The following ZNF100 variants were observed in gnomAD, a reference collection of about 807,000 sequenced individuals.
ZNF100 encodes the protein zinc finger protein 100 (Y1).
ZNF100 carries 12 observed loss-of-function variants against 15.8 expected under a neutral mutation model. That is an observed-to-expected ratio of 0.76 (90% CI 0.49 to 1.23). ZNF100 has a LOEUF of 1.23. Among genes scored for constraint, ZNF100 ranks in the 50% most tolerant of loss-of-function variants. ZNF100 has a pLI of 0.00. For missense variants in ZNF100, 670 were observed against 635.6 expected (o/e 1.05, Z -0.58); for synonymous variants, 226 against 214.8 (o/e 1.05, Z -0.45).
At position 21,767,571 on chromosome 19, in the gene ZNF100, G is replaced by T; in HGVS notation, c.-142C>A. ...ACCTGGAGCTCCGGCTACAGCGAGA[G>T]ACAAAGACCCCGCCAAACCCGGAAG... On this transcript the variant is annotated 5_prime_UTR_variant, in exon 1 of 5. Transcript: ENST00000358296. 2 of 1,347,490 alleles carry T rather than the reference G, an allele frequency of 1.5e-6. No homozygotes were observed. The highest frequency in any genetic ancestry group is 1.0e-6 in the Non-Finnish European group (1 of 980,824). The allele number at this position is 1,347,490 out of a possible 1,614,324, so 83.5% of individuals were successfully genotyped here.
At chr19:21,767,125 C>G (rs2036576908) in intron 1 of ZNF100, among the ~76,000 whole-genome samples, 1 of 152,204 alleles carries the variant, frequency 6.6e-6, no homozygotes, top group Non-Finnish European at 1.5e-5. Context: ...AGGATTTTCC[C>G]CTGACGACCC....
At chr19:21,752,720 G>A (rs1465865294) in intron 2 of ZNF100, 1 of 152,184 alleles carries the variant, frequency 6.6e-6, no homozygotes, top group Non-Finnish European at 1.5e-5. Context: ...TTCAGTGACA[G>A]TGAAAAAAAA....
chr19:21,730,459 T>A (rs2035895560), intron 4 of ZNF100, among the ~76,000 whole-genome samples: 2 of 151,554 alleles, frequency 1.3e-5, no homozygotes, highest in East Asian at 1.9e-4. Flanking sequence ...TGTGTGTGTG[T>A]GTGTGTGTGT....
At chr19:21,743,678 C>A (rs1433426021) in intron 4 of ZNF100, among the ~76,000 whole-genome samples, 2 of 151,934 alleles carry the variant, frequency 1.3e-5, no homozygotes, top group Non-Finnish European at 2.9e-5. Flanking sequence ...CAAAATTATG[C>A]AGATATCTGT....
intron 2 of ZNF100, among the ~76,000 whole-genome samples, chr19:21,759,664 C>G (rs2036448615): frequency 6.6e-6 from 1 of 152,102 alleles, no homozygotes; most frequent in Admixed American, 6.5e-5. Context: ...CCACCAAAAC[C>G]AAGATGGTGA....
chr19:21,751,169 A>G, intron 2 of ZNF100: 2 of 1,330,164 alleles, frequency 1.5e-6, no homozygotes, highest in Non-Finnish European at 2.2e-6. Flanking sequence ...AACCACTTAA[A>G]TCATCTATCT....
chr19:21,726,571 GAATT>G lies in ZNF100; in HGVS notation c.*108_*111del. 1.0e-6 allele frequency: 1 copy of G among 969,640 alleles called. No individual in the cohort carries two copies. The highest frequency in any genetic ancestry group is 1.5e-6 in the Non-Finnish European group (1 of 662,664). 60.1% of individuals were successfully genotyped at this position (969,640 alleles called of 1,614,324 possible). On this transcript the variant is annotated 3_prime_UTR_variant, in exon 5 of 5. Transcript: ENST00000358296. ...TTATCTTATGTCTGTTAGGAATTGA[GAATT>G]TATTAAAGGCTTTGCCATATTCTTC...
rs1021010429 is a variant in ZNF100, at chr19:21,722,996, T to C, written c.*3687A>G. 2 of 151,942 alleles carry C rather than the reference T, an allele frequency of 1.3e-5. No homozygotes were observed. Among genetic ancestry groups the C allele is most frequent in the African/African-American group, 4.8e-5 (2 of 41,402 alleles). The allele number at this position is 151,942 out of a possible 1,614,324, so 9.4% of individuals were successfully genotyped here. On this transcript the variant is annotated 3_prime_UTR_variant, in exon 5 of 5. Coordinates refer to ENST00000358296, the MANE Select transcript of ZNF100 (RefSeq NM_173531.4). ...CAATGTATGCTTTTATCTTAACTAA[T>C]CCGAAAGTTATATTGATAACCAAAC... is the stretch of plus-strand genomic sequence containing the variant.
chr19:21,759,763 C>T (rs2036450183), intron 2 of ZNF100, among the ~76,000 whole-genome samples: 2 of 152,198 alleles, frequency 1.3e-5, no homozygotes, highest in Non-Finnish European at 2.9e-5. Context: ...GGAAGTTACA[C>T]CATAATGGTC....
chr19:21,759,356 G>A (rs2036442881), intron 2 of ZNF100, among the ~76,000 whole-genome samples: 1 of 151,062 alleles, frequency 6.6e-6, no homozygotes, highest in Non-Finnish European at 1.5e-5. Flanking sequence ...GTAAATAGCT[G>A]TGATTAATAA....
intron 4 of ZNF100, among the ~76,000 whole-genome samples, chr19:21,739,931 G>A (rs561325039): frequency 6.6e-6 from 1 of 152,266 alleles, no homozygotes; most frequent in Admixed American, 6.5e-5. Context: ...CTACAGAGGT[G>A]AACAAATTCA....
At chr19:21,744,237 TGA>T (rs1243386700) in intron 3 of ZNF100, 122 bp from the exon 4 acceptor site, 10 of 901,608 alleles carry the variant, frequency 1.1e-5, no homozygotes, top group South Asian at 3.6e-5. Context: ...TACTAATTAA[TGA>T]GAGAAATTTC....
chr19:21,744,575 T>C (rs541175058), intron 3 of ZNF100, among the ~76,000 whole-genome samples: 96 of 152,160 alleles, frequency 6.3e-4, no homozygotes, highest in African/African-American at 2.1e-3. Context: ...TTTCACTTTG[T>C]TGGCAAGGCT....
chr19:21,755,232 A>T (rs1018132833), intron 2 of ZNF100, among the ~76,000 whole-genome samples: 2 of 151,960 alleles, frequency 1.3e-5, no homozygotes, highest in Non-Finnish European at 2.9e-5. Context: ...GCTTGAACCC[A>T]GGAGGCAGAG....
In ZNF100 at chr19:21,725,481, TAG is replaced by T. The variant is rs1432271827; in HGVS notation, c.*1200_*1201del. 1.3e-5 allele frequency: 2 copies of T among 152,262 alleles called. No individual in the cohort carries two copies. Among genetic ancestry groups the T allele is most frequent in the Admixed American group, 6.5e-5 (1 of 15,302 alleles). The allele number at this position is 152,262 out of a possible 1,614,324, so 9.4% of individuals were successfully genotyped here. A position where few individuals can be genotyped will look rare whatever the true frequency, so the allele number is the denominator to read the frequency against. Reference sequence around the variant, plus strand: ...AGTTAACCATAAAAGTCTCTTCACTTAGATTTTCATCATACATCTCATATTTT... The same window carrying T: ...AGTTAACCATAAAAGTCTCTTCACTTATTTTCATCATACATCTCATATTTT... On this transcript the variant is annotated 3_prime_UTR_variant, in exon 5 of 5. Transcript: ENST00000358296.
At chr19:21,753,561 C>G (rs139919859) in intron 2 of ZNF100, 2 of 152,054 alleles carry the variant, frequency 1.3e-5, no homozygotes. Flanking sequence ...CCAGTCTGGG[C>G]GACATCCAGA....
chr19:21,734,576 C>T (rs1037564373), intron 4 of ZNF100, among the ~76,000 whole-genome samples: 2 of 152,092 alleles, frequency 1.3e-5, no homozygotes, highest in African/African-American at 4.8e-5. Context: ...ACCAAACTTA[C>T]AACTGATTGC....
At chr19:21,739,258 A>G (rs929278081) in intron 4 of ZNF100, among the ~76,000 whole-genome samples, 1 of 152,358 alleles carries the variant, frequency 6.6e-6, no homozygotes, top group South Asian at 2.1e-4. Context: ...GTTAGAACAC[A>G]TAACAAGTCT....
chr19:21,726,885 T>G lies in ZNF100; in HGVS notation c.1427A>C (p.Lys476Thr). Residue 476 changes from lysine (K) to threonine (T), a missense_variant, in exon 5 of 5, where the codon AAG becomes ACG. Physicochemically the swap from Lys to Thr is moderately conservative, Grantham distance 78. Transcript: ENST00000358296. ...FNRSSQLTAH[K>T]MIHTGEKPYK... The stretch of plus-strand genomic sequence containing the variant: ...GGGTTTCTCTCCAGTATGAATCATC[T>G]TATGTGCAGTTAGTTGTGAGGACCG... The G allele has an allele frequency of 6.2e-7, 1 of 1,613,124 alleles. No individual in the cohort carries two copies. Among genetic ancestry groups the G allele is most frequent in the South Asian group, 1.1e-5 (1 of 90,816 alleles).
Sources: allele counts gnomAD v4.1 joint callset (sites outside exome capture counted in the v4.1 genomes callset), GRCh38; gene constraint gnomAD v4.1.1; transcripts MANE v1.5; gene names NCBI Gene and HGNC (gene_info 2026-07-23, HGNC 2026-07-21).